Variants in RPRD1A observed in about 807,000 individuals in gnomAD.
The protein encoded by RPRD1A is regulation of nuclear pre-mRNA domain-containing protein 1A.
RPRD1A carries 9 observed loss-of-function variants against 37.8 expected under a neutral mutation model. The observed-to-expected ratio is 0.24, with a 90% CI of 0.14 to 0.42. The LOEUF (loss-of-function observed/expected upper bound fraction) is 0.42, where lower values mean the gene tolerates loss of function less well. Ranked by LOEUF, RPRD1A falls within the 10% of genes least tolerant of loss-of-function variation. RPRD1A has a pLI of 1.00. For synonymous variants in RPRD1A, 138 were observed against 139.7 expected (o/e 0.99, Z 0.08); for missense variants, 255 against 371.0 (o/e 0.69, Z 2.57).
chr18:36,015,131 T>TACACACACACACAC lies in RPRD1A; in HGVS notation c.789+11755_789+11768dup, dbSNP rs201284977. ...AACAAGTTGAAAGTAGGGTCTCACATACACACACACACACACACACACACA... is the reference window on the plus strand; with the variant it reads ...AACAAGTTGAAAGTAGGGTCTCACATACACACACACACACACACACACACACACACACACACACA... On this transcript the variant is annotated intron_variant, in intron 6 of 6. Coordinates refer to ENST00000399022, the MANE Select transcript of RPRD1A (RefSeq NM_018170.5). Among the ~76,000 whole-genome samples the TACACACACACACAC allele has an allele frequency of 4.7e-3, 576 of 122,952 alleles. 9 individuals carry two copies. Among genetic ancestry groups the TACACACACACACAC allele is most frequent in the African/African-American group, 0.017 (544 of 32,862 alleles). The allele number at this position is 122,952 out of a possible 152,430, so 80.7% of individuals were successfully genotyped here.
chr18:36,017,694 CTCT>C (rs1462028128), intron 6 of RPRD1A, among the ~76,000 whole-genome samples: 3 of 152,224 alleles, frequency 2.0e-5, no homozygotes, highest in Non-Finnish European at 2.9e-5. Flanking sequence ...ATGAATGCCT[CTCT>C]TGACAGTAAT....
chr18:36,016,478 T>G (rs1219326867), intron 6 of RPRD1A, among the ~76,000 whole-genome samples: 2 of 152,136 alleles, frequency 1.3e-5, no homozygotes, highest in African/African-American at 4.8e-5. Flanking sequence ...CCGCCTCGGC[T>G]TCCCATAGTG....
chr18:36,050,871 T>C (rs1913340660), intron 1 of RPRD1A, among the ~76,000 whole-genome samples: 1 of 151,770 alleles, frequency 6.6e-6, no homozygotes, highest in South Asian at 2.1e-4. Flanking sequence ...TTCTTTTCTT[T>C]TTTTTTTTTA....
intron 1 of RPRD1A, among the ~76,000 whole-genome samples, chr18:36,048,906 T>C (rs1051673479): frequency 1.3e-5 from 2 of 152,242 alleles, no homozygotes; most frequent in Non-Finnish European, 2.9e-5. Context: ...AAAAAACGTT[T>C]ACAGCTAATA....
chr18:35,996,808 G>T (rs1168002421), intron 6 of RPRD1A, among the ~76,000 whole-genome samples: 4 of 151,480 alleles, frequency 2.6e-5, no homozygotes, highest in Admixed American at 6.6e-5. Context: ...GAAACTTTTT[G>T]TCTCTACAAA....
At chr18:36,011,468 T>C (rs1368278814) in intron 6 of RPRD1A, among the ~76,000 whole-genome samples, 1 of 152,128 alleles carries the variant, frequency 6.6e-6, no homozygotes, top group Non-Finnish European at 1.5e-5. Context: ...AATTAAAATA[T>C]ATTCTTAAGA....
chr18:36,065,213 C>A (rs969602880), intron 1 of RPRD1A, among the ~76,000 whole-genome samples: 2 of 152,208 alleles, frequency 1.3e-5, no homozygotes, highest in African/African-American at 4.8e-5. Flanking sequence ...GTGTTAATCA[C>A]TACTATGCAT....
chr18:36,039,786 G>A (rs1912452152), intron 1 of RPRD1A, among the ~76,000 whole-genome samples: 1 of 152,074 alleles, frequency 6.6e-6, no homozygotes, highest in Admixed American at 6.5e-5. Flanking sequence ...ATAAACATAA[G>A]AACCATCATT....
rs1161070578 is a variant in RPRD1A, at chr18:35,991,327, T to C, written c.*1824A>G. The C allele has an allele frequency of 6.6e-6, 1 of 152,226 alleles. No homozygotes were observed. The highest frequency in any genetic ancestry group is 2.4e-5 in the African/African-American group (1 of 41,462). The allele number at this position is 152,226 out of a possible 1,614,324, so 9.4% of individuals were successfully genotyped here. Reference sequence around the variant, plus strand: ...CATGTACAACCAGGTTTCATAATTGTGCATCTGTCACCTCCCCACTTGGCT... The same window carrying C: ...CATGTACAACCAGGTTTCATAATTGCGCATCTGTCACCTCCCCACTTGGCT... On this transcript the variant is annotated 3_prime_UTR_variant, in exon 7 of 7. Transcript: ENST00000399022.
intron 1 of RPRD1A, among the ~76,000 whole-genome samples, chr18:36,055,758 A>G (rs535374763): frequency 1.3e-5 from 2 of 152,328 alleles, no homozygotes; most frequent in East Asian, 3.9e-4. Flanking sequence ...GGGAAGAGTA[A>G]TTGCTGAAGG....
At chr18:36,035,424 C>T (rs1162935371) in intron 1 of RPRD1A, among the ~76,000 whole-genome samples, 2 of 151,996 alleles carry the variant, frequency 1.3e-5, no homozygotes, top group East Asian at 3.9e-4. Context: ...ACAAACAAAG[C>T]CAAAAACATT....
At chr18:36,043,200 G>GT (rs1486272014) in intron 1 of RPRD1A, among the ~76,000 whole-genome samples, 2 of 141,050 alleles carry the variant, frequency 1.4e-5, no homozygotes, top group African/African-American at 5.1e-5. Flanking sequence ...AAGAATCGGG[G>GT]GGGGGGGAAG....
At chr18:36,062,173 C>T (rs947504849) in intron 1 of RPRD1A, among the ~76,000 whole-genome samples, 6 of 151,178 alleles carry the variant, frequency 4.0e-5, no homozygotes, top group Non-Finnish European at 7.4e-5. Flanking sequence ...AAAAATTAGC[C>T]GGGCGCGGTG....
At chr18:36,058,511 C>A (rs1194210423) in intron 1 of RPRD1A, among the ~76,000 whole-genome samples, 1 of 152,098 alleles carries the variant, frequency 6.6e-6, no homozygotes, top group East Asian at 1.9e-4. Flanking sequence ...GTAAAAACAT[C>A]AAATCAACAA....
intron 6 of RPRD1A, among the ~76,000 whole-genome samples, chr18:35,993,674 CAG>C (rs1008580805): frequency 6.6e-6 from 1 of 152,138 alleles, no homozygotes; most frequent in African/African-American, 2.4e-5. Flanking sequence ...TAGGAATGGC[CAG>C]AGTCTGTGGT....
Position 36,033,712 on chromosome 18 carries a change from A to C in RPRD1A, c.277T>G (p.Ser93Ala). The C allele has an allele frequency of 1.2e-6, 2 of 1,609,200 alleles. No individual in the cohort carries two copies. The highest frequency in any genetic ancestry group is 1.7e-6 in the Non-Finnish European group (2 of 1,177,784). Reference sequence around the variant, plus strand: ...TACCCAAAACTATGATCATACCTTGAAACATGCTTAAAAGCCTCCACTATA... The same window carrying C: ...TACCCAAAACTATGATCATACCTTGCAACATGCTTAAAAGCCTCCACTATA... The part of the protein sequence containing the change: ...PVIVEAFKHV[S>A]SETDESCKKH... The change falls in exon 2 of 7, where the codon TCA becomes GCA. Residue 93 changes from serine (S) to alanine (A), a missense_variant. Physicochemically the swap from Ser to Ala is moderately conservative, Grantham distance 99. Transcript: ENST00000399022.
At chr18:36,055,532 T>A (rs1913702870) in intron 1 of RPRD1A, among the ~76,000 whole-genome samples, 1 of 152,210 alleles carries the variant, frequency 6.6e-6, no homozygotes, top group Non-Finnish European at 1.5e-5. Context: ...TGAAGTGACA[T>A]CTGAAAATCA....
At chr18:36,028,838 CAA>C (rs1316242053) in intron 4 of RPRD1A, among the ~76,000 whole-genome samples, 1 of 152,240 alleles carries the variant, frequency 6.6e-6, no homozygotes, top group East Asian at 1.9e-4. Context: ...CATTATAAAA[CAA>C]AGAGCAACAG....
In RPRD1A at chr18:36,008,577, G is replaced by GTGTGTATATGTGTATATATATATATA; in HGVS notation, c.790-15278_790-15277insTATATATATATATACACATATACACA. The stretch of plus-strand genomic sequence containing the variant: ...GGCGACACAGCAAGACCTTGTGTGT[G>GTGTGTATATGTGTATATATATATATA]TATATATATATATCTTTAAAAATCT... On this transcript the variant is annotated intron_variant, in intron 6 of 6. Coordinates refer to ENST00000399022, the MANE Select transcript of RPRD1A (RefSeq NM_018170.5). Among the ~76,000 whole-genome samples, 10 of 47,802 alleles carry GTGTGTATATGTGTATATATATATATA rather than the reference G, an allele frequency of 2.1e-4. 3 individuals are homozygous for GTGTGTATATGTGTATATATATATATA. Among genetic ancestry groups the GTGTGTATATGTGTATATATATATATA allele is most frequent in the African/African-American group, 6.8e-4 (10 of 14,812 alleles). The allele number at this position is 47,802 out of a possible 152,430, so 31.4% of individuals were successfully genotyped here.
Sources: gnomAD v4.1 joint callset for allele counts (sites outside exome capture counted in the v4.1 genomes callset) on GRCh38, gnomAD v4.1.1 for gene constraint, MANE v1.5 for transcripts, NCBI Gene and HGNC (gene_info 2026-07-23, HGNC 2026-07-21) for gene names.